Variants in CNTN4 observed in about 807,000 individuals in gnomAD.
The protein encoded by CNTN4 is contactin 4.
A neutral mutation model predicts 122.5 loss-of-function variants in CNTN4; 77 were observed. The observed-to-expected ratio is 0.63, with a 90% CI of 0.52 to 0.76. The LOEUF (loss-of-function observed/expected upper bound fraction) is 0.76. Ranked by LOEUF, CNTN4 falls within the 30% of genes least tolerant of loss-of-function variation. The pLI is 0.00. For synonymous variants in CNTN4, 512 were observed against 447.0 expected (o/e 1.15, Z -1.83); for missense variants, 1,256 against 1,259.1 (o/e 1.00, Z 0.04).
chr3:2,585,404 G>T (rs112589913), intron 4 of CNTN4, among the ~76,000 whole-genome samples: 15,071 of 151,754 alleles, frequency 0.099, 998 homozygotes, highest in Non-Finnish European at 0.14. Context: ...GTTTATTGCG[G>T]CACTATTCAC....
intron 4 of CNTN4, among the ~76,000 whole-genome samples, chr3:2,692,310 G>T (rs2085784701): frequency 6.6e-6 from 1 of 152,118 alleles, no homozygotes; most frequent in Admixed American, 6.6e-5. Context: ...AACCTACAGT[G>T]CCCGGTGCTT....
rs150515379 is a variant in CNTN4 at position 2,121,647 on chromosome 3, G to A, written c.-145+21008G>A. 3.3e-3 allele frequency among the ~76,000 whole-genome samples: 498 copies of A among 152,264 alleles called. 2 individuals are homozygous for A. Among genetic ancestry groups the A allele is most frequent in the African/African-American group, 0.011 (456 of 41,542 alleles). On this transcript the variant is annotated intron_variant, in intron 2 of 24. Coordinates refer to ENST00000418658, the MANE Select transcript of CNTN4 (RefSeq NM_175607.3). Reference sequence around the variant, plus strand: ...AATGTCAAACCTGTAATTTGTCAGAGTTTCCATTTCACAATCTGAAGAACT... The same window carrying A: ...AATGTCAAACCTGTAATTTGTCAGAATTTCCATTTCACAATCTGAAGAACT...
intron 2 of CNTN4, among the ~76,000 whole-genome samples, chr3:2,331,286 G>C (rs2043710901): frequency 6.6e-6 from 1 of 152,118 alleles, no homozygotes; most frequent in Non-Finnish European, 1.5e-5. Flanking sequence ...AGGCAGTTCA[G>C]GTAGTTTTTC....
intron 2 of CNTN4, among the ~76,000 whole-genome samples, chr3:2,329,319 A>T (rs539315347): frequency 6.6e-6 from 1 of 152,268 alleles, no homozygotes; most frequent in East Asian, 1.9e-4. Context: ...ATGTCAGTGG[A>T]AATGTTTTCT....
intron 6 of CNTN4, among the ~76,000 whole-genome samples, chr3:2,806,422 C>G (rs2092469815): frequency 6.6e-6 from 1 of 152,162 alleles, no homozygotes; most frequent in African/African-American, 2.4e-5. Context: ...GGAGGGCTGT[C>G]AGGCCGCACA....
intron 3 of CNTN4, among the ~76,000 whole-genome samples, chr3:2,340,710 T>TATATATATATAGAGAGAGAGAGAG: frequency 5.5e-4 from 10 of 18,296 alleles, no homozygotes; most frequent in Non-Finnish European, 9.7e-4. Context: ...TATATATATA[T>TATATATATATAGAGAGAGAGAGAG]AGAGAGAGAG....
chr3:2,481,286 G>A (rs1478940636), intron 3 of CNTN4, among the ~76,000 whole-genome samples: 1 of 151,754 alleles, frequency 6.6e-6, no homozygotes, highest in African/African-American at 2.4e-5. Flanking sequence ...GATTACAGGT[G>A]CACGCCACCA....
At position 3,038,983 on chromosome 3, in the gene CNTN4, G is replaced by C. The variant is rs1253556401; in HGVS notation, c.2143G>C (p.Glu715Gln). 2 of 1,613,896 alleles carry C rather than the reference G, an allele frequency of 1.2e-6. No individual in the cohort carries two copies. Among genetic ancestry groups the C allele is most frequent in the Admixed American group, 3.3e-5 (2 of 60,006 alleles). ...CAGTGGTGGCGGAGGCAGCAAATCT[G>C]AACTGGTTATAACCTGGGAGGTAAA... The part of the protein sequence containing the change: ...NVSGGGGSKS[E>Q]LVITWETVPE... The change falls in exon 19 of 25, where the codon GAA becomes CAA. Residue 715 changes from glutamate (E) to glutamine (Q), a missense_variant. By Grantham distance (29) the Glu-to-Gln change is conservative. Transcript: ENST00000418658.
At chr3:2,979,407 A>T (rs1400893648) in intron 13 of CNTN4, among the ~76,000 whole-genome samples, 1 of 152,214 alleles carries the variant, frequency 6.6e-6, no homozygotes, top group Non-Finnish European at 1.5e-5. Context: ...AAACCATCTT[A>T]GAAAAATGGG....
intron 3 of CNTN4, among the ~76,000 whole-genome samples, chr3:2,359,383 GT>G (rs1288578369): frequency 6.6e-6 from 1 of 152,078 alleles, no homozygotes; most frequent in Middle Eastern, 3.2e-3. Flanking sequence ...TCTGGAATTG[GT>G]CTTGTATCTG....
intron 13 of CNTN4, among the ~76,000 whole-genome samples, chr3:2,955,304 G>C (rs2094788116): frequency 6.6e-6 from 1 of 152,204 alleles, no homozygotes; most frequent in African/African-American, 2.4e-5. Flanking sequence ...TTATTAGCAT[G>C]ACTGAACTAG....
chr3:2,921,984 T>C (rs1216016070), intron 12 of CNTN4, among the ~76,000 whole-genome samples: 5 of 152,176 alleles, frequency 3.3e-5, no homozygotes, highest in Non-Finnish European at 7.3e-5. Flanking sequence ...TGAAAAATAA[T>C]AAAAAGTTGC....
chr3:2,578,767 C>G (rs1167776720), intron 4 of CNTN4, among the ~76,000 whole-genome samples: 2 of 152,026 alleles, frequency 1.3e-5, no homozygotes, highest in Admixed American at 6.6e-5. Context: ...CCTGTTTGCT[C>G]TACGCTCTCT....
chr3:2,912,201 C>T (rs2133438), intron 12 of CNTN4, among the ~76,000 whole-genome samples: 98,394 of 152,016 alleles, frequency 0.65, 31,836 homozygotes, highest in Middle Eastern at 0.71. Context: ...GAAAAGCAAC[C>T]CATCACAAAC....
chr3:2,642,160 T>G (rs1247949750), intron 4 of CNTN4, among the ~76,000 whole-genome samples: 1 of 152,208 alleles, frequency 6.6e-6, no homozygotes. Flanking sequence ...AAGCCGACAG[T>G]GCAGCCTTCA....
At chr3:2,909,972 A>G (rs2094282204) in intron 12 of CNTN4, among the ~76,000 whole-genome samples, 1 of 152,220 alleles carries the variant, frequency 6.6e-6, no homozygotes, top group South Asian at 2.1e-4. Context: ...TAGTCTCCCT[A>G]CCAAAACATC....
intron 4 of CNTN4, among the ~76,000 whole-genome samples, chr3:2,640,551 G>T (rs2082854699): frequency 6.6e-6 from 1 of 152,148 alleles, no homozygotes; most frequent in South Asian, 2.1e-4. Context: ...GGATGATTGG[G>T]TAGTGGGAAC....
At chr3:2,394,453 C>T (rs1356446035) in intron 3 of CNTN4, among the ~76,000 whole-genome samples, 1 of 152,174 alleles carries the variant, frequency 6.6e-6, no homozygotes, top group African/African-American at 2.4e-5. Context: ...TACCACATAC[C>T]AATGTACACA....
chr3:2,946,716 T>TC (rs2151555852), intron 13 of CNTN4, among the ~76,000 whole-genome samples: 1 of 149,760 alleles, frequency 6.7e-6, no homozygotes, highest in South Asian at 2.1e-4. Flanking sequence ...TTTTTTTTTT[T>TC]TTTTTGAGAC....
Sources: allele counts gnomAD v4.1 joint callset (sites outside exome capture counted in the v4.1 genomes callset), GRCh38; gene constraint gnomAD v4.1.1; transcripts MANE v1.5; gene names NCBI Gene and HGNC (gene_info 2026-07-23, HGNC 2026-07-21).